Variants in CCDC178 observed in about 807,000 individuals in gnomAD.
The protein encoded by CCDC178 is coiled-coil domain containing 178.
CCDC178 carries 126 observed loss-of-function variants against 117.4 expected under a neutral mutation model. That is an observed-to-expected ratio of 1.07 (90% CI 0.93 to 1.24). The LOEUF is 1.24. Among genes scored for constraint, CCDC178 ranks in the 50% most tolerant of loss-of-function variants. The pLI is 0.00. For missense variants in CCDC178, 1,030 were observed against 986.9 expected, an observed-to-expected ratio of 1.04 and a Z score of -0.59; for synonymous variants, 283 against 313.4, an observed-to-expected ratio of 0.90 and a Z score of 1.02.
At chr18:33,201,735 A>C (rs1190234297) in intron 20 of CCDC178, among the ~76,000 whole-genome samples, 1 of 152,188 alleles carries the variant, frequency 6.6e-6, no homozygotes, top group Non-Finnish European at 1.5e-5. Context: ...ACAAACAGAC[A>C]GGAAGCTAAA....
chr18:32,980,882 C>T (rs1208579119), intron 21 of CCDC178, among the ~76,000 whole-genome samples: 1 of 152,132 alleles, frequency 6.6e-6, no homozygotes, highest in Non-Finnish European at 1.5e-5. Flanking sequence ...GAACAAACTA[C>T]AATTTCGTAT....
chr18:33,180,280 T>C (rs2058719322), intron 20 of CCDC178, among the ~76,000 whole-genome samples: 1 of 151,904 alleles, frequency 6.6e-6, no homozygotes. Flanking sequence ...TAAGTCCTTC[T>C]TTATATCCAT....
intron 20 of CCDC178, among the ~76,000 whole-genome samples, chr18:33,131,836 C>T (rs1387812492): frequency 6.6e-6 from 1 of 151,634 alleles, no homozygotes; most frequent in Admixed American, 6.6e-5. Context: ...AATTCCAGGC[C>T]CAAGTCAGGT....
chr18:33,321,726 T>A (rs1007600357), intron 11 of CCDC178, among the ~76,000 whole-genome samples: 4 of 151,284 alleles, frequency 2.6e-5, no homozygotes, highest in African/African-American at 9.7e-5. Flanking sequence ...ATACCAATAA[T>A]CAACATGAAA....
At chr18:33,202,077 T>C (rs867440408) in intron 20 of CCDC178, among the ~76,000 whole-genome samples, 4 of 152,088 alleles carry the variant, frequency 2.6e-5, no homozygotes, top group Non-Finnish European at 4.4e-5. Flanking sequence ...CAAGGTGAAT[T>C]ACTGGGTACA....
At chr18:33,139,548 T>C (rs2144289917) in intron 20 of CCDC178, among the ~76,000 whole-genome samples, 1 of 152,278 alleles carries the variant, frequency 6.6e-6, no homozygotes, top group Non-Finnish European at 1.5e-5. Flanking sequence ...TCTTGCTATG[T>C]TTTAGCAAAC....
intron 20 of CCDC178, among the ~76,000 whole-genome samples, chr18:33,107,230 C>T (rs1053726824): frequency 1.6e-4 from 24 of 151,448 alleles, no homozygotes; most frequent in Non-Finnish European, 3.1e-4. Flanking sequence ...AGGTACTAGA[C>T]ATATAAAATT....
At position 33,180,748 on chromosome 18, in the gene CCDC178, T is replaced by C. The variant is rs527523495; in HGVS notation, c.2238+31148A>G. Among the ~76,000 whole-genome samples the C allele has an allele frequency of 4.6e-5, 7 of 152,188 alleles. No individual in the cohort carries two copies. The South Asian group carries it at 1.4e-3, about 31-fold the overall frequency. ...AATTCAGGTACAATTTACATTGCTG[T>C]ACAAAGTTGCTTTGCAAATTTCCTT... On this transcript the variant is annotated intron_variant, in intron 20 of 22. Transcript: ENST00000383096.
intron 22 of CCDC178, among the ~76,000 whole-genome samples, chr18:32,940,995 C>T (rs2054226698): frequency 6.6e-6 from 1 of 151,772 alleles, no homozygotes; most frequent in African/African-American, 2.4e-5. Flanking sequence ...AGTAATAGAG[C>T]TTTGAGGGTC....
rs556363311 is a variant in CCDC178, at chr18:33,168,168, T to TC, written c.2238+43727dup. 3.0e-3 allele frequency among the ~76,000 whole-genome samples: 458 copies of TC among 152,298 alleles called. 4 individuals are homozygous for TC. Among genetic ancestry groups the TC allele is most frequent in the African/African-American group, 0.011 (446 of 41,568 alleles). On this transcript the variant is annotated intron_variant, in intron 20 of 22. Coordinates refer to ENST00000383096, the MANE Select transcript of CCDC178 (RefSeq NM_001105528.4). ...TATGACATCTTTGCCAGGTCCTATGTCCAGCATGGTATTTCCTAGGTTATC... is the reference window on the plus strand; with the variant it reads ...TATGACATCTTTGCCAGGTCCTATGTCCCAGCATGGTATTTCCTAGGTTATC...
intron 20 of CCDC178, among the ~76,000 whole-genome samples, chr18:33,141,967 C>T (rs1317149458): frequency 6.6e-6 from 1 of 152,130 alleles, no homozygotes; most frequent in Non-Finnish European, 1.5e-5. Context: ...TTAGTCCTAA[C>T]ATTATTGACC....
chr18:33,217,922 C>G (rs2059185931), intron 18 of CCDC178, among the ~76,000 whole-genome samples: 1 of 151,990 alleles, frequency 6.6e-6, no homozygotes, highest in Non-Finnish European at 1.5e-5. Context: ...AACAAAGCAT[C>G]AGATTTCTCA....
chr18:33,249,601 G>T lies in CCDC178; in HGVS notation c.1410-4173C>A, dbSNP rs141933139. Among the ~76,000 whole-genome samples, 715 of 151,930 alleles carry T rather than the reference G, an allele frequency of 4.7e-3. 4 individuals carry two copies. Among genetic ancestry groups the T allele is most frequent in the African/African-American group, 0.016 (683 of 41,436 alleles). ...GTAGATGTGTGGTATTATTTCTGAG[G>T]GCTCTGTTCTGTTCCATTCAGCTCT... On this transcript the variant is annotated intron_variant, in intron 14 of 22. Transcript: ENST00000383096.
At chr18:33,362,085 A>T (rs2063136661) in intron 6 of CCDC178, among the ~76,000 whole-genome samples, 1 of 151,646 alleles carries the variant, frequency 6.6e-6, no homozygotes, top group Non-Finnish European at 1.5e-5. Flanking sequence ...AATAAAGAAA[A>T]TGTAGGAGTG....
chr18:33,261,834 G>C (rs2059754934), intron 14 of CCDC178, among the ~76,000 whole-genome samples: 1 of 151,944 alleles, frequency 6.6e-6, no homozygotes, highest in Admixed American at 6.6e-5. Flanking sequence ...TCATAACTGG[G>C]TCATATTCAA....
intron 21 of CCDC178, among the ~76,000 whole-genome samples, chr18:33,064,261 A>G (rs2056975327): frequency 3.3e-5 from 5 of 152,226 alleles, no homozygotes; most frequent in African/African-American, 9.6e-5. Context: ...AAAGAAACTC[A>G]GTGACATACA....
intron 20 of CCDC178, among the ~76,000 whole-genome samples, chr18:33,126,997 A>AAAAAAAATATATATAT (rs71266914): frequency 7.1e-6 from 1 of 141,186 alleles, no homozygotes; most frequent in African/African-American, 2.7e-5. Flanking sequence ...AAAAAAAAAA[A>AAAAAAAATATATATAT]ATATATATAT....
At chr18:33,182,349 A>C (rs546143604) in intron 20 of CCDC178, among the ~76,000 whole-genome samples, 48 of 152,120 alleles carry the variant, frequency 3.2e-4, no homozygotes, top group African/African-American at 1.1e-3. Flanking sequence ...CTGATCTTTT[A>C]AATTCAGATG....
intron 11 of CCDC178, among the ~76,000 whole-genome samples, chr18:33,305,799 T>C (rs964559049): frequency 6.6e-6 from 1 of 152,038 alleles, no homozygotes; most frequent in Non-Finnish European, 1.5e-5. Flanking sequence ...CCTTGGCTTC[T>C]CCCCTAACAG....
Sources: gnomAD v4.1 joint callset for allele counts (sites outside exome capture counted in the v4.1 genomes callset) on GRCh38, gnomAD v4.1.1 for gene constraint, MANE v1.5 for transcripts, NCBI Gene and HGNC (gene_info 2026-07-23, HGNC 2026-07-21) for gene names.